DLGAP1: variants seen among roughly 807,000 people sequenced by gnomAD.
The protein encoded by DLGAP1 is disks large-associated protein 1.
DLGAP1 carries 11 observed loss-of-function variants against 90.8 expected under a neutral mutation model. The ratio of observed to expected loss-of-function variants is 0.12; its 90% CI spans 0.08 to 0.20. The LOEUF (loss-of-function observed/expected upper bound fraction) is 0.20, where lower values mean the gene tolerates loss of function less well. Among genes scored for constraint, DLGAP1 ranks in the 10% least tolerant of loss-of-function variants. The pLI is 1.00. For synonymous variants in DLGAP1, 558 were observed against 540.7 expected (o/e 1.03, Z -0.44); for missense variants, 1,050 against 1,333.8 (o/e 0.79, Z 3.31).
At chr18:4,398,185 C>T (rs1314873667) in intron 1 of DLGAP1, among the ~76,000 whole-genome samples, 1 of 152,118 alleles carries the variant, frequency 6.6e-6, no homozygotes, top group Non-Finnish European at 1.5e-5. Flanking sequence ...TAAGGCATAT[C>T]TATGAAAAGC....
intron 4 of DLGAP1, among the ~76,000 whole-genome samples, chr18:3,843,473 T>C (rs1274768763): frequency 1.3e-5 from 2 of 152,216 alleles, no homozygotes; most frequent in Non-Finnish European, 2.9e-5. Context: ...AAAATTTGTT[T>C]CCTAGTTTGT....
At chr18:4,087,066 CACTT>C (rs59958189) in intron 2 of DLGAP1, among the ~76,000 whole-genome samples, 3,268 of 86,080 alleles carry the variant, frequency 0.038, 244 homozygotes, top group Non-Finnish European at 0.058. Flanking sequence ...TATATACACA[CACTT>C]ATATATACAT....
chr18:3,973,941 T>C (rs992808075), intron 3 of DLGAP1, among the ~76,000 whole-genome samples: 1 of 152,234 alleles, frequency 6.6e-6, no homozygotes, highest in African/African-American at 2.4e-5. Context: ...GGCTATATGC[T>C]AGAGCCCATC....
chr18:4,318,408 G>A (rs919843923), intron 1 of DLGAP1, among the ~76,000 whole-genome samples: 6 of 152,094 alleles, frequency 3.9e-5, no homozygotes, highest in Admixed American at 3.3e-4. Flanking sequence ...AAAAACGGTA[G>A]GAAATCTGAA....
chr18:4,146,101 A>G (rs1287084427), intron 2 of DLGAP1, among the ~76,000 whole-genome samples: 1 of 152,202 alleles, frequency 6.6e-6, no homozygotes, highest in Admixed American at 6.5e-5. Context: ...TTGTAGAATT[A>G]TATTGGAAAA....
At chr18:4,364,718 T>C (rs1198437914) in intron 1 of DLGAP1, among the ~76,000 whole-genome samples, 1 of 152,190 alleles carries the variant, frequency 6.6e-6, no homozygotes, top group African/African-American at 2.4e-5. Flanking sequence ...TGTTTGCTCT[T>C]GGTTTTCTAG....
chr18:3,967,419 G>C (rs1028714483), intron 3 of DLGAP1, among the ~76,000 whole-genome samples: 15 of 152,210 alleles, frequency 9.9e-5, no homozygotes, highest in African/African-American at 3.6e-4. Context: ...GCGATCAACA[G>C]ACTCTGCAGA....
intron 7 of DLGAP1, among the ~76,000 whole-genome samples, chr18:3,596,187 TC>T (rs2145633423): frequency 6.6e-6 from 1 of 151,944 alleles, no homozygotes; most frequent in East Asian, 1.9e-4. Flanking sequence ...TAAGACCGTG[TC>T]TTACTCTGTC....
intron 4 of DLGAP1, among the ~76,000 whole-genome samples, chr18:3,842,698 G>GT (rs2068787092): frequency 6.6e-6 from 1 of 151,646 alleles, no homozygotes; most frequent in Non-Finnish European, 1.5e-5. Context: ...ATGTTTCAGC[G>GT]TTAAAAAAAA....
chr18:3,754,254 C>T (rs2063619319), intron 5 of DLGAP1, among the ~76,000 whole-genome samples: 1 of 152,112 alleles, frequency 6.6e-6, no homozygotes, highest in Non-Finnish European at 1.5e-5. Flanking sequence ...CTGCCTGCCT[C>T]TGCTCCCAAA....
At chr18:3,724,395 T>A (rs1211830548) in intron 7 of DLGAP1, among the ~76,000 whole-genome samples, 2 of 152,130 alleles carry the variant, frequency 1.3e-5, no homozygotes, top group African/African-American at 4.8e-5. Context: ...ATAAAACTTG[T>A]ATTATTGCTA....
intron 3 of DLGAP1, among the ~76,000 whole-genome samples, chr18:3,975,712 T>C (rs2073557720): frequency 6.6e-6 from 1 of 152,158 alleles, no homozygotes; most frequent in Admixed American, 6.5e-5. Flanking sequence ...AAATGTGATG[T>C]ACATATAGAA....
chr18:3,516,762 G>A (rs941184824), intron 10 of DLGAP1, among the ~76,000 whole-genome samples: 1 of 152,108 alleles, frequency 6.6e-6, no homozygotes, highest in African/African-American at 2.4e-5. Context: ...GATCTCATAA[G>A]ACTTATTCAC....
chr18:4,291,829 C>T (rs898028257), intron 1 of DLGAP1, among the ~76,000 whole-genome samples: 4 of 151,888 alleles, frequency 2.6e-5, no homozygotes, highest in Non-Finnish European at 4.4e-5. Context: ...AGAAATAGTA[C>T]GAAGCATCGA....
chr18:4,411,661 C>T lies in DLGAP1; in HGVS notation c.-267+43345G>A, dbSNP rs112087811. Among the ~76,000 whole-genome samples the T allele has an allele frequency of 4.5e-3, 687 of 152,276 alleles. 5 individuals are homozygous for T. Among genetic ancestry groups the T allele is most frequent in the African/African-American group, 0.016 (658 of 41,554 alleles). ...TTCTCCACGTGAGATTGGCTGGAGT[C>T]ATCTGAAGGCTCCACATTCTGCAAC... On this transcript the variant is annotated intron_variant, in intron 1 of 12. Coordinates refer to ENST00000315677, the MANE Select transcript of DLGAP1 (RefSeq NM_004746.4).
chr18:4,028,850 A>G (rs1269185139), intron 2 of DLGAP1, among the ~76,000 whole-genome samples: 1 of 152,172 alleles, frequency 6.6e-6, no homozygotes, highest in Non-Finnish European at 1.5e-5. Flanking sequence ...AAATGTGCTA[A>G]ATGCCATCTA....
chr18:3,583,118 T>G (rs1599363967), intron 7 of DLGAP1, among the ~76,000 whole-genome samples: 3 of 150,854 alleles, frequency 2.0e-5, no homozygotes, highest in South Asian at 4.2e-4. Flanking sequence ...ACTTCCCACC[T>G]TTCTGTCTTT....
At chr18:4,024,562 C>T (rs1037615699) in intron 2 of DLGAP1, among the ~76,000 whole-genome samples, 1 of 152,176 alleles carries the variant, frequency 6.6e-6, no homozygotes, top group African/African-American at 2.4e-5. Context: ...TTCGTGCTCA[C>T]AAGCTGGCAT....
chr18:4,120,130 T>C (rs939363510), intron 2 of DLGAP1, among the ~76,000 whole-genome samples: 1 of 152,236 alleles, frequency 6.6e-6, no homozygotes, highest in African/African-American at 2.4e-5. Flanking sequence ...TTAGTGAAGA[T>C]TAATTATAAT....
Sources: allele counts gnomAD v4.1 joint callset (sites outside exome capture counted in the v4.1 genomes callset), GRCh38; gene constraint gnomAD v4.1.1; transcripts MANE v1.5; gene names NCBI Gene and HGNC (gene_info 2026-07-23, HGNC 2026-07-21).